The following ASTN2 variants were observed in gnomAD, a reference collection of about 807,000 sequenced individuals.
The protein encoded by ASTN2 is astrotactin 2.
ASTN2 carries 54 observed loss-of-function variants against 139.8 expected under a neutral mutation model. The ratio of observed to expected loss-of-function variants is 0.39; its 90% CI spans 0.31 to 0.48. The LOEUF is 0.48. Ranked by LOEUF, ASTN2 falls within the 20% of genes least tolerant of loss-of-function variation. The probability of loss-of-function intolerance (pLI) is 0.95; values close to 1 mark genes in which losing one functional copy is unlikely to be tolerated. For missense variants in ASTN2, 1,565 were observed against 1,725.1 expected (o/e 0.91, Z 1.64); for synonymous variants, 756 against 719.5 (o/e 1.05, Z -0.81).
At chr9:116,861,160 CTT>C (rs1832867483) in intron 11 of ASTN2, among the ~76,000 whole-genome samples, 1 of 151,410 alleles carries the variant, frequency 6.6e-6, no homozygotes. Flanking sequence ...CTTTCTCTCT[CTT>C]TTAATTTTTC....
chr9:116,956,306 T>C (rs1588439559), intron 10 of ASTN2, among the ~76,000 whole-genome samples: 1 of 150,020 alleles, frequency 6.7e-6, no homozygotes, highest in East Asian at 1.9e-4. Context: ...TCCATTTTAG[T>C]CATGCTGGTC....
Position 117,366,359 on chromosome 9 carries a change from C to T in ASTN2, c.442+48138G>A, listed in dbSNP as rs1361392. On this transcript the variant is annotated intron_variant, in intron 1 of 22. Coordinates refer to ENST00000313400, the MANE Select transcript of ASTN2 (RefSeq NM_001365068.1). ...CAGATCCCTTTTACCTCTATTCTCT[C>T]CTTTGATGCTCTCATCAACCCTGTG... Among the ~76,000 whole-genome samples, 684 of 152,156 alleles carry T rather than the reference C, an allele frequency of 4.5e-3. 6 individuals are homozygous for T. The highest frequency in any genetic ancestry group is 0.016 in the African/African-American group (648 of 41,530).
At chr9:116,998,933 C>T (rs1373059165) in intron 7 of ASTN2, among the ~76,000 whole-genome samples, 1 of 152,132 alleles carries the variant, frequency 6.6e-6, no homozygotes, top group Non-Finnish European at 1.5e-5. Context: ...ACTTTAGTAA[C>T]ACAGAGCTCA....
At chr9:116,553,749 C>T (rs1024625920) in intron 19 of ASTN2, among the ~76,000 whole-genome samples, 5 of 152,178 alleles carry the variant, frequency 3.3e-5, no homozygotes, top group Non-Finnish European at 5.9e-5. Context: ...ATTGCCAGTA[C>T]TCAACAAAGG....
intron 11 of ASTN2, among the ~76,000 whole-genome samples, chr9:116,859,884 C>T (rs1176268598): frequency 1.3e-5 from 2 of 152,234 alleles, no homozygotes; most frequent in Non-Finnish European, 2.9e-5. Context: ...GAGCTCTAGA[C>T]AGCTTTCCTC....
chr9:116,786,718 A>C (rs964785842), intron 13 of ASTN2, among the ~76,000 whole-genome samples: 1 of 152,218 alleles, frequency 6.6e-6, no homozygotes, highest in African/African-American at 2.4e-5. Flanking sequence ...ATGCCTGTAA[A>C]GAAATCAGTT....
At chr9:116,816,776 T>C (rs907550665) in intron 12 of ASTN2, among the ~76,000 whole-genome samples, 4 of 151,998 alleles carry the variant, frequency 2.6e-5, no homozygotes, top group Admixed American at 6.6e-5. Flanking sequence ...TTGGAGAACG[T>C]AAACTGATGA....
chr9:117,327,098 C>T (rs1421902339), intron 1 of ASTN2, among the ~76,000 whole-genome samples: 1 of 152,070 alleles, frequency 6.6e-6, no homozygotes, highest in Non-Finnish European at 1.5e-5. Flanking sequence ...ACCTAGAACC[C>T]TCAAGTATGC....
chr9:117,206,408 C>A (rs1238471799), intron 3 of ASTN2, among the ~76,000 whole-genome samples: 1 of 152,160 alleles, frequency 6.6e-6, no homozygotes, highest in African/African-American at 2.4e-5. Flanking sequence ...GCCCTGAGCC[C>A]AGTTTAAAGA....
intron 13 of ASTN2, among the ~76,000 whole-genome samples, chr9:116,775,392 C>CAAGA (rs2132192759): frequency 6.9e-6 from 1 of 144,698 alleles, no homozygotes; most frequent in Admixed American, 7.1e-5. Flanking sequence ...ACTTTATCCA[C>CAAGA]AAGAAAGGAA....
intron 7 of ASTN2, among the ~76,000 whole-genome samples, chr9:116,984,901 G>C (rs1323978331): frequency 6.6e-6 from 1 of 152,146 alleles, no homozygotes; most frequent in Non-Finnish European, 1.5e-5. Flanking sequence ...CTGGTTTCTT[G>C]AAATCAGCAT....
chr9:117,240,345 T>C (rs1331465156), intron 2 of ASTN2, among the ~76,000 whole-genome samples: 1 of 152,144 alleles, frequency 6.6e-6, no homozygotes, highest in Middle Eastern at 3.2e-3. Context: ...TGACTGTGTG[T>C]GTGACAGCGG....
chr9:116,659,778 T>A (rs1352400423), intron 16 of ASTN2, among the ~76,000 whole-genome samples: 2 of 152,140 alleles, frequency 1.3e-5, no homozygotes, highest in African/African-American at 2.4e-5. Context: ...TCCCATCTAA[T>A]TTTTCATTTA....
At chr9:116,610,597 C>T (rs1855486567) in intron 19 of ASTN2, among the ~76,000 whole-genome samples, 1 of 151,846 alleles carries the variant, frequency 6.6e-6, no homozygotes, top group Admixed American at 6.6e-5. Flanking sequence ...AAGCGAAATT[C>T]TGCCTCAAAA....
chr9:117,045,570 G>A (rs994848119), intron 5 of ASTN2, among the ~76,000 whole-genome samples: 21 of 152,148 alleles, frequency 1.4e-4, no homozygotes, highest in Admixed American at 6.5e-4. Flanking sequence ...AAATTCGACC[G>A]GAAATAACTC....
intron 16 of ASTN2, among the ~76,000 whole-genome samples, chr9:116,657,965 G>T (rs73530813): frequency 0.05 from 7,213 of 144,120 alleles, 560 homozygotes; most frequent in African/African-American, 0.17. Context: ...TCGGCTCACT[G>T]CAACCTCCAC....
At position 116,790,929 on chromosome 9, in the gene ASTN2, T is replaced by TGAAAGAAAGAAAGAAAGAAAGAAAGAAA. The variant is rs758357999; in HGVS notation, c.2396+14675_2396+14702dup. ...AAAGAAAGAGAAAGAAAGGAAGGAA[T>TGAAAGAAAGAAAGAAAGAAAGAAAGAAA]GAAAGAAAGAAAGAAAGAAAGAAAG... On this transcript the variant is annotated intron_variant, in intron 13 of 22. Coordinates refer to ENST00000313400, the MANE Select transcript of ASTN2 (RefSeq NM_001365068.1). Among the ~76,000 whole-genome samples the TGAAAGAAAGAAAGAAAGAAAGAAAGAAA allele has an allele frequency of 3.2e-3, 293 of 91,392 alleles. 6 individuals carry two copies. The highest frequency in any genetic ancestry group is 4.4e-3 in the African/African-American group (104 of 23,600). 60.0% of individuals were successfully genotyped at this position (91,392 alleles called of 152,430 possible).
intron 11 of ASTN2, among the ~76,000 whole-genome samples, chr9:116,833,137 T>G (rs1367768389): frequency 6.6e-6 from 1 of 152,080 alleles, no homozygotes; most frequent in Non-Finnish European, 1.5e-5. Flanking sequence ...ATTGTGGTAG[T>G]TTGTGTTTTT....
intron 10 of ASTN2, among the ~76,000 whole-genome samples, chr9:116,962,411 G>A (rs1835899182): frequency 6.6e-6 from 1 of 152,170 alleles, no homozygotes; most frequent in Non-Finnish European, 1.5e-5. Context: ...TGCCCCATAG[G>A]AACCAAATCC....
Sources: gnomAD v4.1 joint callset for allele counts (sites outside exome capture counted in the v4.1 genomes callset) on GRCh38, gnomAD v4.1.1 for gene constraint, MANE v1.5 for transcripts, NCBI Gene and HGNC (gene_info 2026-07-23, HGNC 2026-07-21) for gene names.